Variants in SMAP1 observed in about 807,000 individuals in gnomAD.
SMAP1 encodes the protein small ArfGAP 1.
Under a neutral mutation model 58.5 loss-of-function variants are expected in SMAP1, and 24 were observed. The ratio of observed to expected loss-of-function variants is 0.41; its 90% CI spans 0.30 to 0.58. The LOEUF (loss-of-function observed/expected upper bound fraction) is 0.58. SMAP1 is among the 20% of genes least tolerant of loss of function. The pLI, the probability that SMAP1 is intolerant of heterozygous loss-of-function variation, is 0.29. For synonymous variants in SMAP1, 216 were observed against 196.6 expected (o/e 1.10, Z -0.82); for missense variants, 563 against 566.3 (o/e 0.99, Z 0.06).
chr6:70,762,172 C>A (rs1404997648), intron 3 of SMAP1, among the ~76,000 whole-genome samples: 1 of 152,106 alleles, frequency 6.6e-6, no homozygotes, highest in Non-Finnish European at 1.5e-5. Flanking sequence ...CCCTAATAAT[C>A]CATTTGGCTG....
At chr6:70,708,631 C>G (rs1582038183) in intron 1 of SMAP1, among the ~76,000 whole-genome samples, 2 of 152,084 alleles carry the variant, frequency 1.3e-5, no homozygotes, top group East Asian at 3.9e-4. Context: ...CACTTGTTAT[C>G]TCTTGTCTTC....
intron 7 of SMAP1, among the ~76,000 whole-genome samples, chr6:70,848,528 G>C (rs1380227186): frequency 1.3e-5 from 2 of 152,200 alleles, no homozygotes; most frequent in South Asian, 4.1e-4. Context: ...GATGTGAGAA[G>C]ACTCTGTTCT....
chr6:70,747,587 G>T (rs1766097828), intron 2 of SMAP1, among the ~76,000 whole-genome samples: 1 of 152,176 alleles, frequency 6.6e-6, no homozygotes, highest in Admixed American at 6.5e-5. Context: ...TGCCTACAAA[G>T]AATATATTGA....
chr6:70,728,619 G>A (rs1765285658), intron 1 of SMAP1, among the ~76,000 whole-genome samples: 1 of 152,130 alleles, frequency 6.6e-6, no homozygotes, highest in African/African-American at 2.4e-5. Flanking sequence ...TCTACTTTAG[G>A]AGACAGAACT....
chr6:70,731,330 T>C (rs1003301273), intron 1 of SMAP1, among the ~76,000 whole-genome samples: 13 of 152,250 alleles, frequency 8.5e-5, no homozygotes, highest in Admixed American at 3.3e-4. Context: ...CTTGTACAGC[T>C]AAGACTTGTA....
intron 3 of SMAP1, among the ~76,000 whole-genome samples, chr6:70,758,971 G>T (rs4707851): frequency 0.43 from 65,992 of 151,916 alleles, 14,699 homozygotes; most frequent in South Asian, 0.5. Context: ...CCCATTTGGT[G>T]GCTGGAAACA....
intron 1 of SMAP1, chr6:70,668,522 T>C: frequency 6.6e-7 from 1 of 1,514,936 alleles, no homozygotes; most frequent in South Asian, 1.2e-5. Flanking sequence ...CTAGCTCTGC[T>C]CATAGCTATC....
In SMAP1 at chr6:70,830,227, A is replaced by G. The variant is rs558351015; in HGVS notation, c.577-6714A>G. On this transcript the variant is annotated intron_variant, in intron 6 of 10. Coordinates refer to ENST00000370455, the MANE Select transcript of SMAP1 (RefSeq NM_001044305.3). ...ACAAATTTCCTATGCAATGTTTTCA[A>G]TAGCAGCAGAATTTAAAGTGGAGTG... is the stretch of plus-strand genomic sequence containing the variant. 2.2e-4 allele frequency among the ~76,000 whole-genome samples: 34 copies of G among 152,348 alleles called. No individual in the cohort carries two copies. In the East Asian group the frequency reaches 2.9e-3, roughly 13 times the overall value.
chr6:70,712,140 A>C (rs1273918001), intron 1 of SMAP1, among the ~76,000 whole-genome samples: 5 of 152,198 alleles, frequency 3.3e-5, no homozygotes, highest in Non-Finnish European at 5.9e-5. Context: ...TTATTATGAA[A>C]AGATGTGGAA....
rs749451987 is a variant in SMAP1 at position 70,861,960 on chromosome 6, T to G, written c.*1626T>G. Reference sequence around the variant, plus strand: ...AGCTTTTGGATTGGACAAAATGACTTGAAGACTTACAGCAAATCCTTTGTG... The same window carrying G: ...AGCTTTTGGATTGGACAAAATGACTGGAAGACTTACAGCAAATCCTTTGTG... On this transcript the variant is annotated 3_prime_UTR_variant, in exon 11 of 11. Transcript: ENST00000370455. 1.2e-6 allele frequency: 2 copies of G among 1,612,396 alleles called. No individual in the cohort carries two copies. The highest frequency in any genetic ancestry group is 2.2e-5 in the East Asian group (1 of 44,808).
chr6:70,735,589 C>T (rs1270820910), intron 2 of SMAP1, among the ~76,000 whole-genome samples: 10 of 152,116 alleles, frequency 6.6e-5, no homozygotes, highest in African/African-American at 1.9e-4. Context: ...GCCAACATTA[C>T]GAAGCCCCGT....
At chr6:70,677,664 AAAAT>A (rs10531852) in intron 1 of SMAP1, among the ~76,000 whole-genome samples, 65,321 of 151,172 alleles carry the variant, frequency 0.43, 14,433 homozygotes, top group South Asian at 0.5. Context: ...TTATTATTAA[AAAAT>A]TATATTATTG....
intron 1 of SMAP1, among the ~76,000 whole-genome samples, chr6:70,698,512 A>G (rs900908269): frequency 1.3e-5 from 2 of 152,194 alleles, no homozygotes; most frequent in African/African-American, 4.8e-5. Context: ...TTGTTAGGTT[A>G]ATGACTATTA....
intron 7 of SMAP1, among the ~76,000 whole-genome samples, chr6:70,845,986 A>G (rs1329872361): frequency 2.6e-5 from 4 of 152,322 alleles, no homozygotes; most frequent in South Asian, 2.1e-4. Flanking sequence ...AGCTGTGTCT[A>G]TGAAAACAGA....
chr6:70,857,042 T>G lies in SMAP1; in HGVS notation c.961+12T>G. ...GCAAAGTACTCCTGGTAATGAATTT[T>G]GATATCTGCTTTCAGTGACATTACT... On this transcript the variant is annotated intron_variant, in intron 9 of 10. Coordinates refer to ENST00000370455, the MANE Select transcript of SMAP1 (RefSeq NM_001044305.3). 6.3e-7 allele frequency: 1 copy of G among 1,590,486 alleles called. No individual in the cohort carries two copies. The highest frequency in any genetic ancestry group is 1.3e-5 in the African/African-American group (1 of 74,286).
At chr6:70,765,297 T>C (rs1231067437) in intron 3 of SMAP1, among the ~76,000 whole-genome samples, 6 of 152,170 alleles carry the variant, frequency 3.9e-5, no homozygotes, top group Non-Finnish European at 8.8e-5. Flanking sequence ...CAAAATGACA[T>C]ATAATGAAAC....
intron 1 of SMAP1, among the ~76,000 whole-genome samples, chr6:70,681,934 A>G (rs1766727315): frequency 6.6e-6 from 1 of 152,168 alleles, no homozygotes; most frequent in Non-Finnish European, 1.5e-5. Flanking sequence ...CAAGTTCTCT[A>G]AGAAGCAAGT....
At chr6:70,768,808 G>C (rs1289174031) in intron 3 of SMAP1, among the ~76,000 whole-genome samples, 1 of 152,054 alleles carries the variant, frequency 6.6e-6, no homozygotes, top group Non-Finnish European at 1.5e-5. Context: ...GAATGTGTTT[G>C]CTCTTGCTTT....
chr6:70,718,636 A>G (rs925993130), intron 1 of SMAP1, among the ~76,000 whole-genome samples: 1 of 152,082 alleles, frequency 6.6e-6, no homozygotes, highest in Non-Finnish European at 1.5e-5. Context: ...CCTGGCCAAC[A>G]TGATCCAATC....
Sources: gnomAD v4.1 joint callset for allele counts (sites outside exome capture counted in the v4.1 genomes callset) on GRCh38, gnomAD v4.1.1 for gene constraint, MANE v1.5 for transcripts, NCBI Gene and HGNC (gene_info 2026-07-23, HGNC 2026-07-21) for gene names.